Variants in GPM6B observed in about 807,000 individuals in gnomAD.
GPM6B encodes the protein glycoprotein M6B, also known as neuronal membrane glycoprotein M6-b.
In GPM6B, 4 loss-of-function variants were observed where a neutral mutation model predicts 27.2. The ratio of observed to expected loss-of-function variants is 0.15; its 90% CI spans 0.07 to 0.34. GPM6B has a LOEUF of 0.34. GPM6B is among the 10% of genes least tolerant of loss of function. GPM6B has a pLI of 1.00. For missense variants in GPM6B, 183 were observed against 261.9 expected (o/e 0.70, Z 2.08); for synonymous variants, 124 against 103.1 (o/e 1.20, Z -1.23).
intron 1 of GPM6B, among the ~76,000 whole-genome samples, chrX:13,921,714 GAT>G (rs1428904212): frequency 2.7e-5 from 3 of 110,888 alleles, no homozygotes; most frequent in Admixed American, 9.6e-5. Context: ...AAGTAGCTGG[GAT>G]TACAGGCGTG....
At chrX:13,843,982 G>C (rs1325410810) in intron 1 of GPM6B, among the ~76,000 whole-genome samples, 1 of 111,622 alleles carries the variant, frequency 9.0e-6, no homozygotes, top group Non-Finnish European at 1.9e-5. Context: ...TCTAAACCAA[G>C]GTCATGAAGA....
At chrX:13,794,554 A>T (rs1277807662) in intron 2 of GPM6B, among the ~76,000 whole-genome samples, 1 of 111,273 alleles carries the variant, frequency 9.0e-6, no homozygotes, top group Non-Finnish European at 1.9e-5. Context: ...AATAGCACCA[A>T]GATGTTATTT....
chrX:13,865,568 AAAG>A (rs1427225060), intron 1 of GPM6B, among the ~76,000 whole-genome samples: 16 of 61,749 alleles, frequency 2.6e-4, no homozygotes, highest in African/African-American at 6.3e-4. Flanking sequence ...AAAAAGAAAG[AAAG>A]AAAGAAAAGA....
intron 1 of GPM6B, among the ~76,000 whole-genome samples, chrX:13,933,140 A>G (rs761536601): frequency 1.4e-4 from 16 of 112,326 alleles, no homozygotes; most frequent in Middle Eastern, 4.6e-3. Context: ...AATAAAATGC[A>G]TATGAATCCT....
At chrX:13,778,408 A>C (rs186914445) in intron 5 of GPM6B, among the ~76,000 whole-genome samples, 1 of 112,504 alleles carries the variant, frequency 8.9e-6, no homozygotes, top group East Asian at 2.8e-4. Flanking sequence ...GGACAAGCAG[A>C]GTCTATGATT....
chrX:13,775,385 T>C (rs2048393347), intron 7 of GPM6B, among the ~76,000 whole-genome samples: 2 of 113,097 alleles, frequency 1.8e-5, no homozygotes, highest in Non-Finnish European at 3.7e-5. Flanking sequence ...GGCAATACTC[T>C]GCCTTCTTGT....
intron 4 of GPM6B, 151 bp from the exon 5 acceptor site, chrX:13,780,140 G>A (rs375038452): frequency 2.5e-6 from 1 of 405,289 alleles, no homozygotes; most frequent in Non-Finnish European, 4.1e-6. Context: ...AGAAGGAAAA[G>A]CCAGCACGGG....
intron 1 of GPM6B, among the ~76,000 whole-genome samples, chrX:13,830,235 T>C (rs916902020): frequency 1.8e-5 from 2 of 111,967 alleles, no homozygotes; most frequent in Non-Finnish European, 3.8e-5. Context: ...GTTCCATCTA[T>C]GACTAAGTAA....
At chrX:13,804,432 GC>G (rs1417880344) in intron 2 of GPM6B, among the ~76,000 whole-genome samples, 3,823 of 22,886 alleles carry the variant, frequency 0.17, 287 homozygotes, top group African/African-American at 0.36. Context: ...GGGGCGGGGG[GC>G]GGGGGTAGCC....
rs946626597 is a variant in GPM6B, at chrX:13,848,527, C to T, written c.-197-62719G>A. On this transcript the variant is annotated intron_variant, in intron 1 of 6. Coordinates refer to the GPM6B transcript ENST00000398361. Reference sequence around the variant, plus strand: ...AAAAAAACAATAAAAAATTATTCTGCCGGTTGTTTAGAGACTGAAAGAGGG... The same window carrying T: ...AAAAAAACAATAAAAAATTATTCTGTCGGTTGTTTAGAGACTGAAAGAGGG... Among the ~76,000 whole-genome samples, 3 of 111,816 alleles carry T rather than the reference C, an allele frequency of 2.7e-5. No homozygotes were observed. In the Admixed American group the frequency reaches 2.8e-4, roughly 11 times the overall value.
intron 1 of GPM6B, among the ~76,000 whole-genome samples, chrX:13,867,864 A>G (rs764319204): frequency 8.9e-6 from 1 of 111,920 alleles, no homozygotes; most frequent in African/African-American, 3.3e-5. Context: ...GAAAAGGCTT[A>G]CTTGATACAA....
In GPM6B at chrX:13,823,317, G is replaced by C. The variant is rs184437397; in HGVS notation, c.-197-37509C>G. ...CCAGGCAGGTCACTGTCATGAAACT[G>C]GCTAACATCGATGACAATGAGCACA... On this transcript the variant is annotated intron_variant, in intron 1 of 6. Coordinates refer to the GPM6B transcript ENST00000398361. Among the ~76,000 whole-genome samples, 3 of 111,979 alleles carry C rather than the reference G, an allele frequency of 2.7e-5. No homozygotes were observed. In the East Asian group the frequency reaches 8.4e-4, roughly 31 times the overall value.
At chrX:13,828,745 G>A (rs1235454833) in intron 1 of GPM6B, among the ~76,000 whole-genome samples, 2 of 111,887 alleles carry the variant, frequency 1.8e-5, no homozygotes, top group East Asian at 2.8e-4. Context: ...AGTAGCTCAG[G>A]AGGAATGGAC....
chrX:13,920,266 C>CAAAAA (rs144988935), intron 1 of GPM6B, among the ~76,000 whole-genome samples: 1 of 22,275 alleles, frequency 4.5e-5, no homozygotes, highest in Admixed American at 7.0e-4. Context: ...GACTCTGTCT[C>CAAAAA]AAAAAAAAAA....
At chrX:13,813,915 A>T (rs931857815) in intron 1 of GPM6B, among the ~76,000 whole-genome samples, 3 of 112,466 alleles carry the variant, frequency 2.7e-5, no homozygotes, top group African/African-American at 9.7e-5. Flanking sequence ...TGTTTTCCTT[A>T]AAAATCCCTA....
intron 1 of GPM6B, among the ~76,000 whole-genome samples, chrX:13,921,768 G>A (rs190988456): frequency 1.5e-4 from 17 of 111,033 alleles, no homozygotes; most frequent in Middle Eastern, 4.7e-3. Flanking sequence ...TAGTAGAGAC[G>A]GGGTTTCGCC....
chrX:13,843,872 T>C (rs185294449), intron 1 of GPM6B, among the ~76,000 whole-genome samples: 56 of 112,363 alleles, frequency 5.0e-4, no homozygotes, highest in Non-Finnish European at 9.6e-4. Flanking sequence ...TTTTACTTTC[T>C]TGATGGTGTC....
At chrX:13,870,276 A>G (rs1348821822) in intron 1 of GPM6B, among the ~76,000 whole-genome samples, 1 of 79,349 alleles carries the variant, frequency 1.3e-5, no homozygotes, top group East Asian at 2.9e-4. Flanking sequence ...CATGCACTCA[A>G]CAAATAGTTA....
chrX:13,867,801 G>C (rs1051772590), intron 1 of GPM6B, among the ~76,000 whole-genome samples: 3 of 111,899 alleles, frequency 2.7e-5, no homozygotes, highest in African/African-American at 9.8e-5. Flanking sequence ...TTTCAAGATG[G>C]GGGTGAGGGA....
Sources: gnomAD v4.1 joint callset for allele counts (sites outside exome capture counted in the v4.1 genomes callset) on GRCh38, gnomAD v4.1.1 for gene constraint, MANE v1.5 for transcripts, NCBI Gene and HGNC (gene_info 2026-07-23, HGNC 2026-07-21) for gene names.